The following RGS6 variants were observed in gnomAD, a reference collection of about 807,000 sequenced individuals.
RGS6 encodes the protein regulator of G-protein signaling 6.
In RGS6, 30 loss-of-function variants were observed where a neutral mutation model predicts 78.5. The observed-to-expected ratio is 0.38, with a 90% CI of 0.29 to 0.52. RGS6 has a LOEUF of 0.52. Ranked by LOEUF, RGS6 falls within the 20% of genes least tolerant of loss-of-function variation. RGS6 has a pLI of 0.85. For missense variants in RGS6, 495 were observed against 609.7 expected (o/e 0.81, Z 1.98); for synonymous variants, 206 against 206.0 (o/e 1.00, Z 0.00).
At chr14:72,398,185 CTT>C (rs1047048887) in intron 3 of RGS6, among the ~76,000 whole-genome samples, 1 of 152,056 alleles carries the variant, frequency 6.6e-6, no homozygotes, top group Non-Finnish European at 1.5e-5. Context: ...TGGTCCTGGA[CTT>C]TTTTTGGTTG....
the RGS6 span, among the ~76,000 whole-genome samples, chr14:71,872,816 C>T: frequency 6.6e-6 from 1 of 152,056 alleles, no homozygotes; most frequent in Non-Finnish European, 1.5e-5. Context: ...CGACAGGCCC[C>T]GTGTGTGATA....
intron 2 of RGS6, among the ~76,000 whole-genome samples, chr14:72,278,824 AT>A (rs2061115323): frequency 6.6e-6 from 1 of 151,956 alleles, no homozygotes; most frequent in Non-Finnish European, 1.5e-5. Flanking sequence ...AACAACACAC[AT>A]TTATTCTCTC....
chr14:72,587,788 A>G, the RGS6 span, among the ~76,000 whole-genome samples: 1 of 152,192 alleles, frequency 6.6e-6, no homozygotes, highest in Admixed American at 6.5e-5. Flanking sequence ...GTCTACTAAC[A>G]CTAGGTAAAA....
intron 2 of RGS6, among the ~76,000 whole-genome samples, chr14:72,271,185 T>C (rs2059882845): frequency 6.6e-6 from 1 of 152,162 alleles, no homozygotes; most frequent in African/African-American, 2.4e-5. Flanking sequence ...AATAAAGACA[T>C]ACCCAAGACT....
At chr14:71,963,491 A>G (rs1245148923) in intron 1 of RGS6, among the ~76,000 whole-genome samples, 4 of 152,208 alleles carry the variant, frequency 2.6e-5, no homozygotes, top group Admixed American at 6.5e-5. Context: ...CCCTGTATCC[A>G]TTAAGCAGTC....
chr14:72,077,891 C>T (rs911810758), intron 2 of RGS6, among the ~76,000 whole-genome samples: 8 of 152,148 alleles, frequency 5.3e-5, no homozygotes, highest in Non-Finnish European at 5.9e-5. Flanking sequence ...AGTTAGAGTA[C>T]AGGAATTGTC....
intron 2 of RGS6, among the ~76,000 whole-genome samples, chr14:72,029,123 T>C (rs1230268446): frequency 6.6e-6 from 1 of 152,220 alleles, no homozygotes; most frequent in Non-Finnish European, 1.5e-5. Context: ...TTGTAAACAC[T>C]ATTGAGTGTC....
intron 2 of RGS6, among the ~76,000 whole-genome samples, chr14:72,023,698 A>C (rs939321219): frequency 6.6e-6 from 1 of 152,224 alleles, no homozygotes; most frequent in African/African-American, 2.4e-5. Context: ...ACTGAATGAC[A>C]TCCTCTTCCT....
intron 2 of RGS6, among the ~76,000 whole-genome samples, chr14:72,225,867 A>G (rs976032121): frequency 9.8e-5 from 15 of 152,310 alleles, no homozygotes; most frequent in African/African-American, 3.1e-4. Flanking sequence ...TCCAATATTT[A>G]TGTATACTTT....
intron 2 of RGS6, among the ~76,000 whole-genome samples, chr14:72,254,893 C>T (rs1056273927): frequency 2.8e-4 from 43 of 152,188 alleles, no homozygotes; most frequent in Admixed American, 1.4e-3. Flanking sequence ...TACAGTTAGT[C>T]TCAGAGTTGT....
At chr14:72,384,638 G>A (rs532998714) in intron 3 of RGS6, among the ~76,000 whole-genome samples, 66 of 152,232 alleles carry the variant, frequency 4.3e-4, no homozygotes, top group African/African-American at 1.5e-3. Flanking sequence ...CCTCTTTTCC[G>A]ATCAGTTCCC....
At chr14:72,186,330 C>T (rs2097246478) in intron 2 of RGS6, among the ~76,000 whole-genome samples, 1 of 152,212 alleles carries the variant, frequency 6.6e-6, no homozygotes, top group African/African-American at 2.4e-5. Context: ...GCCGAGTTTG[C>T]GTAAGTTCTG....
chr14:72,452,745 A>G (rs563757649), intron 3 of RGS6, among the ~76,000 whole-genome samples: 1 of 152,362 alleles, frequency 6.6e-6, no homozygotes, highest in East Asian at 1.9e-4. Context: ...TTTAGAGGTG[A>G]CAAAGCCACA....
chr14:72,455,327 A>G (rs1318837266), intron 4 of RGS6, among the ~76,000 whole-genome samples: 1 of 152,210 alleles, frequency 6.6e-6, no homozygotes, highest in African/African-American at 2.4e-5. Context: ...GATGTTCTTA[A>G]TGGACATTGG....
intron 12 of RGS6, among the ~76,000 whole-genome samples, chr14:72,479,047 A>G (rs1412364396): frequency 1.3e-5 from 2 of 152,182 alleles, no homozygotes; most frequent in African/African-American, 2.4e-5. Flanking sequence ...CGTTAAAGCA[A>G]TGACCAATTG....
intron 2 of RGS6, among the ~76,000 whole-genome samples, chr14:72,295,429 G>C (rs944296435): frequency 6.6e-6 from 1 of 152,126 alleles, no homozygotes; most frequent in Non-Finnish European, 1.5e-5. Context: ...CCCCTCCCCA[G>C]ATCCGGCTGG....
intron 2 of RGS6, among the ~76,000 whole-genome samples, chr14:72,267,011 T>A (rs2059171762): frequency 6.6e-6 from 1 of 152,188 alleles, no homozygotes; most frequent in African/African-American, 2.4e-5. Flanking sequence ...TGTTTGTTTG[T>A]TTGTTTGTGA....
At chr14:72,403,316 G>A (rs1272857952) in intron 3 of RGS6, among the ~76,000 whole-genome samples, 1 of 152,216 alleles carries the variant, frequency 6.6e-6, no homozygotes, top group Non-Finnish European at 1.5e-5. Flanking sequence ...GATGAGCCTG[G>A]AGGACATTAC....
At chr14:72,433,318 C>T (rs2094739876) in intron 3 of RGS6, among the ~76,000 whole-genome samples, 1 of 151,658 alleles carries the variant, frequency 6.6e-6, no homozygotes, top group African/African-American at 2.4e-5. Flanking sequence ...GGGAGCAACA[C>T]ACACTGGGGC....
Sources: allele counts gnomAD v4.1 joint callset (sites outside exome capture counted in the v4.1 genomes callset), GRCh38; gene constraint gnomAD v4.1.1; transcripts MANE v1.5; gene names NCBI Gene and HGNC (gene_info 2026-07-23, HGNC 2026-07-21).